Variants in USP42 observed in about 807,000 individuals in gnomAD.
The protein encoded by USP42 is ubiquitin specific peptidase 42, also known as ubiquitin carboxyl-terminal hydrolase 42.
USP42 carries 23 observed loss-of-function variants against 113.0 expected under a neutral mutation model. That is an observed-to-expected ratio of 0.20 (90% CI 0.15 to 0.29). The LOEUF (loss-of-function observed/expected upper bound fraction) is 0.29, where lower values mean the gene tolerates loss of function less well. USP42 is among the 10% of genes least tolerant of loss of function. USP42 has a pLI of 1.00. For synonymous variants in USP42, 933 were observed against 699.0 expected (o/e 1.33, Z -5.28); for missense variants, 2,174 against 1,779.8 (o/e 1.22, Z -3.99).
upstream of USP42, among the ~76,000 whole-genome samples, chr7:6,099,996 T>C (rs1347099632): frequency 6.9e-6 from 1 of 145,246 alleles, no homozygotes; most frequent in Non-Finnish European, 1.5e-5. Flanking sequence ...CTACCAAATT[T>C]CACAAGTCTA....
chr7:6,131,670 CT>C (rs1246461381), intron 3 of USP42, among the ~76,000 whole-genome samples: 1 of 152,122 alleles, frequency 6.6e-6, no homozygotes, highest in Non-Finnish European at 1.5e-5. Context: ...AGGTTGCTGA[CT>C]TTAGCTCTAA....
chr7:6,094,437 C>G, the USP42 span, among the ~76,000 whole-genome samples: 1 of 151,158 alleles, frequency 6.6e-6, no homozygotes, highest in Non-Finnish European at 1.5e-5. Flanking sequence ...TCCTAAAGTG[C>G]TGGGATTACA....
chr7:6,113,809 G>C (rs1240252354), intron 2 of USP42, among the ~76,000 whole-genome samples: 1 of 151,986 alleles, frequency 6.6e-6, no homozygotes, highest in Non-Finnish European at 1.5e-5. Context: ...TTTTAGTAGA[G>C]ACAGGGTTTC....
In USP42 at chr7:6,154,017, C is replaced by T. The variant is rs1280268647; in HGVS notation, c.2463C>T (p.Pro821=). 1.9e-6 allele frequency: 3 copies of T among 1,604,046 alleles called. No homozygotes were observed. In the African/African-American group the frequency reaches 4.0e-5, roughly 21 times the overall value. Residue 821 remains proline (P), a synonymous_variant, in exon 15 of 18, where the codon CCC becomes CCT. Transcript: ENST00000306177. Reference sequence around the variant, plus strand: ...CAGCACCCCCTGACCTGTGTGATCCCGGGAGCTTAACAGGCGATGCGAGCC... The same window carrying T: ...CAGCACCCCCTGACCTGTGTGATCCTGGGAGCTTAACAGGCGATGCGAGCC... ...GDTAPPDLCD[P]GSLTGDASPL... is the part of the protein sequence containing the mutation.
In USP42 at chr7:6,155,001, T is replaced by C. The variant is rs1356557155; in HGVS notation, c.3447T>C (p.Asp1149=). Residue 1149 remains aspartate, a synonymous_variant, in exon 15 of 18, where the codon GAT becomes GAC. Coordinates refer to ENST00000306177, the MANE Select transcript of USP42 (RefSeq NM_032172.3). The part of the protein sequence containing the change: ...LVAGDNCNLS[D]RFHEHENGKS... Reference sequence around the variant, plus strand: ...CCGGAGACAACTGTAACCTCTCTGATCGGTTTCACGAACACGAAAATGGAA... The same window carrying C: ...CCGGAGACAACTGTAACCTCTCTGACCGGTTTCACGAACACGAAAATGGAA... The C allele has an allele frequency of 1.3e-6, 2 of 1,564,634 alleles. No individual in the cohort carries two copies. Among genetic ancestry groups the C allele is most frequent in the Non-Finnish European group, 1.7e-6 (2 of 1,154,310 alleles).
At chr7:6,097,676 C>T in the USP42 span, among the ~76,000 whole-genome samples, 14 of 150,292 alleles carry the variant, frequency 9.3e-5, 1 homozygote, top group East Asian at 7.8e-4. Context: ...CTGCAAACTC[C>T]GCCTTCCGGG....
intron 3 of USP42, among the ~76,000 whole-genome samples, chr7:6,116,014 A>T (rs1395857258): frequency 6.6e-6 from 1 of 151,316 alleles, no homozygotes; most frequent in Non-Finnish European, 1.5e-5. Context: ...TGAGACAGGA[A>T]GGTCACCTGA....
Position 6,157,354 on chromosome 7 carries a change from G to A in USP42, c.3943+299G>A. The A allele has an allele frequency of 9.3e-7, 1 of 1,070,744 alleles. No homozygotes were observed. The highest frequency in any genetic ancestry group is 1.1e-6 in the Non-Finnish European group (1 of 885,472). The allele number at this position is 1,070,744 out of a possible 1,614,324, so 66.3% of individuals were successfully genotyped here. The stretch of plus-strand genomic sequence containing the variant: ...TAGGCATCTGACTTTGCCTTGCAAA[G>A]GACCAGAACTCTTGGTTTGGTTTGG... On this transcript the variant is annotated intron_variant, in intron 16 of 17. Transcript: ENST00000306177. This position sits in a 1 kb window ranked among gnomAD's most constrained non-coding sequence, Gnocchi z 4.1.
At chr7:6,127,920 G>C (rs368494814) in intron 3 of USP42, among the ~76,000 whole-genome samples, 11 of 151,380 alleles carry the variant, frequency 7.3e-5, no homozygotes, top group African/African-American at 2.4e-4. Flanking sequence ...TTTTTTTGTT[G>C]TTGTTGGTTT....
chr7:6,138,562 C>T (rs1334401809), intron 4 of USP42, among the ~76,000 whole-genome samples: 1 of 152,166 alleles, frequency 6.6e-6, no homozygotes, highest in Non-Finnish European at 1.5e-5. Context: ...ACTCTAGCTG[C>T]TGTGGACTTT....
intron 17 of USP42, among the ~76,000 whole-genome samples, chr7:6,160,339 G>C (rs536513775): frequency 6.6e-6 from 1 of 152,298 alleles, no homozygotes; most frequent in African/African-American, 2.4e-5. Context: ...CATCTGGGGC[G>C]GGTGGTGGCC....
Position 6,146,256 on chromosome 7 carries a change from C to G in USP42, c.1232+8C>G, listed in dbSNP as rs981193753. ...TGTGCTCTTTTATATCAGGTATTGT[C>G]ATGAAAACAAATTGCCAGATTTTCT... On this transcript the variant is annotated splice_region_variant and intron_variant, in intron 11 of 17. Transcript: ENST00000306177. 5.2e-6 allele frequency: 8 copies of G among 1,542,330 alleles called. No homozygotes were observed. The African/African-American group carries it at 9.7e-5, about 19-fold the overall frequency.
intron 3 of USP42, among the ~76,000 whole-genome samples, chr7:6,119,171 C>G (rs1331044979): frequency 6.6e-6 from 1 of 151,990 alleles, no homozygotes; most frequent in Admixed American, 6.6e-5. Context: ...GCTATGATTG[C>G]ACCACTGTAT....
rs1013458121 is a variant in USP42 at position 6,155,186 on chromosome 7, G to A, written c.3632G>A (p.Arg1211His). The change falls in exon 15 of 18, where the codon CGC becomes CAC. Residue 1211 changes from arginine to histidine, a missense_variant. By Grantham distance (29) the Arg-to-His change is conservative. Transcript: ENST00000306177. ...AAATCCAAAGACAAACACCGAGACC[G>A]CGACTCCAGGTGAGCCTGGGGCCTT... ...KKKSKDKHRDRDSRHQQDSDL... is the reference protein window; with the variant it reads ...KKKSKDKHRDHDSRHQQDSDL... The A allele has an allele frequency of 6.5e-6, 10 of 1,531,102 alleles. No individual in the cohort carries two copies. Among genetic ancestry groups the A allele is most frequent in the East Asian group, 4.9e-5 (2 of 40,882 alleles). 94.8% of individuals were successfully genotyped at this position (1,531,102 alleles called of 1,614,324 possible).
In USP42 at chr7:6,154,107, C is replaced by T. The variant is rs374377877; in HGVS notation, c.2553C>T (p.Ala851=). Residue 851 remains alanine, a synonymous_variant, in exon 15 of 18, where the codon GCC becomes GCT. Coordinates refer to ENST00000306177, the MANE Select transcript of USP42 (RefSeq NM_032172.3). ...CGCGGGACTCGGCGTTGGCGGAAGC[C>T]CCGGAAGGGTTGAGTCCGGCTCCGC... ...EGPRDSALAE[A]PEGLSPAPPA... The T allele has an allele frequency of 4.3e-5, 69 of 1,603,906 alleles. No homozygotes were observed. The African/African-American group carries it at 8.0e-4, about 19-fold the overall frequency.
At chr7:6,155,407 A>G (rs1214697781) in intron 15 of USP42, among the ~76,000 whole-genome samples, 1 of 152,136 alleles carries the variant, frequency 6.6e-6, no homozygotes, top group East Asian at 1.9e-4. Context: ...TTTATTCTTC[A>G]TGGTGTCGTT....
At chr7:6,123,715 G>T (rs1006104470) in intron 3 of USP42, among the ~76,000 whole-genome samples, 4 of 151,502 alleles carry the variant, frequency 2.6e-5, no homozygotes, top group Non-Finnish European at 4.4e-5. Context: ...AGGCGTGGTG[G>T]TGTTCTTCTA....
At chr7:6,155,473 T>A (rs1782392365) in intron 15 of USP42, among the ~76,000 whole-genome samples, 1 of 152,252 alleles carries the variant, frequency 6.6e-6, no homozygotes, top group African/African-American at 2.4e-5. Context: ...GTGAATGCTT[T>A]ATAACTCTTC....
At position 6,139,810 on chromosome 7, in the gene USP42, T is replaced by A. The variant is rs1474108742; in HGVS notation, c.657-318T>A. 1 of 426,868 alleles carries A rather than the reference T, an allele frequency of 2.3e-6. No individual in the cohort carries two copies. Among genetic ancestry groups the A allele is most frequent in the African/African-American group, 2.0e-5 (1 of 49,280 alleles). 26.4% of individuals were successfully genotyped at this position (426,868 alleles called of 1,614,324 possible). On this transcript the variant is annotated intron_variant, in intron 5 of 17. Transcript: ENST00000306177. This position sits in a 1 kb window ranked among gnomAD's most constrained non-coding sequence, Gnocchi z 4.5. ...CTGCCTTTTCCGCCTCCGCTCCCTT[T>A]CCTCCCACACAGGCCGCAGTGCCCG...
Sources: allele counts gnomAD v4.1 joint callset (sites outside exome capture counted in the v4.1 genomes callset), GRCh38; gene constraint gnomAD v4.1.1; non-coding constraint Gnocchi (gnomAD v3.1); transcripts MANE v1.5; gene names NCBI Gene and HGNC (gene_info 2026-07-23, HGNC 2026-07-21).